The following PIBF1 variants were observed in gnomAD, a reference collection of about 807,000 sequenced individuals.
The protein encoded by PIBF1 is progesterone immunomodulatory binding factor 1.
In PIBF1, 90 loss-of-function variants were observed where a neutral mutation model predicts 112.5. That is an observed-to-expected ratio of 0.80 (90% CI 0.67 to 0.95). The LOEUF (loss-of-function observed/expected upper bound fraction) is 0.95. Ranked by LOEUF, PIBF1 falls within the 40% of genes least tolerant of loss-of-function variation. The pLI is 0.00. For missense variants in PIBF1, 915 were observed against 852.3 expected, an observed-to-expected ratio of 1.07 and a Z score of -0.92; for synonymous variants, 301 against 288.6, an observed-to-expected ratio of 1.04 and a Z score of -0.44.
chr13:72,821,768 A>T, intron 5 of PIBF1, 81 bp from the exon 6 acceptor site: 1 of 1,007,944 alleles, frequency 9.9e-7, no homozygotes, highest in Non-Finnish European at 1.4e-6. Flanking sequence ...ATCACAGCTT[A>T]ACAGAAGACT....
At chr13:72,877,654 A>G (rs1364122772) in intron 10 of PIBF1, among the ~76,000 whole-genome samples, 1 of 151,992 alleles carries the variant, frequency 6.6e-6, no homozygotes, top group Admixed American at 6.6e-5. Context: ...TAATTTATGA[A>G]GTTTGAGAGC....
intron 10 of PIBF1, among the ~76,000 whole-genome samples, chr13:72,880,171 A>G (rs1018404297): frequency 3.9e-5 from 6 of 152,214 alleles, no homozygotes; most frequent in Non-Finnish European, 8.8e-5. Flanking sequence ...TTAGCAGGGT[A>G]GGAAAATTAT....
intron 6 of PIBF1, among the ~76,000 whole-genome samples, chr13:72,826,109 A>G (rs1053453469): frequency 6.6e-6 from 1 of 151,860 alleles, no homozygotes. Flanking sequence ...AATAAAATTT[A>G]AAAATTTTTT....
chr13:72,855,649 A>C (rs1335219583), intron 10 of PIBF1, among the ~76,000 whole-genome samples: 4 of 152,046 alleles, frequency 2.6e-5, no homozygotes, highest in Non-Finnish European at 5.9e-5. Context: ...ACTCTGTCTC[A>C]AAAAAAATTT....
At chr13:72,817,775 C>T (rs554471767) in intron 5 of PIBF1, among the ~76,000 whole-genome samples, 1 of 152,258 alleles carries the variant, frequency 6.6e-6, no homozygotes, top group African/African-American at 2.4e-5. Flanking sequence ...CTTTTCTACT[C>T]TCTATAGCTT....
chr13:73,002,983 C>CCAAA (rs1181488179), intron 17 of PIBF1, among the ~76,000 whole-genome samples: 2 of 57,520 alleles, frequency 3.5e-5, no homozygotes, highest in African/African-American at 1.5e-4. Flanking sequence ...ACTCTGGTCT[C>CCAAA]AAAAAAAAAA....
chr13:72,793,236 A>G (rs2035025621), intron 3 of PIBF1, among the ~76,000 whole-genome samples: 1 of 152,230 alleles, frequency 6.6e-6, no homozygotes, highest in Non-Finnish European at 1.5e-5. Context: ...TGGATCCTAT[A>G]TAAAAATGTG....
At chr13:72,902,006 A>ATG (rs137877705) in intron 11 of PIBF1, among the ~76,000 whole-genome samples, 89 of 147,932 alleles carry the variant, frequency 6.0e-4, no homozygotes, top group Admixed American at 1.4e-3. Flanking sequence ...GTGTATGTAT[A>ATG]TGTGTGTGTG....
At position 72,827,799 on chromosome 13, in the gene PIBF1, A is replaced by G; in HGVS notation, c.982A>G (p.Met328Val). Reference sequence around the variant, plus strand: ...TAAAGAATATCTTAATCGCCAAAACATGGAGCTTAGTGTTCGCTGTGCTCA... The same window carrying G: ...TAAAGAATATCTTAATCGCCAAAACGTGGAGCTTAGTGTTCGCTGTGCTCA... ...KDKEYLNRQN[M>V]ELSVRCAHEE... is the part of the protein sequence containing the mutation. The change falls in exon 8 of 18, where the codon ATG becomes GTG. Residue 328 changes from methionine to valine, a missense_variant. By Grantham distance (21) the Met-to-Val change is conservative (BLOSUM62 1). Transcript: ENST00000326291. The G allele has an allele frequency of 3.7e-6, 6 of 1,604,920 alleles. No individual in the cohort carries two copies. The highest frequency in any genetic ancestry group is 1.1e-5 in the South Asian group (1 of 88,556).
At chr13:72,876,223 T>C (rs1448094379) in intron 10 of PIBF1, among the ~76,000 whole-genome samples, 1 of 150,388 alleles carries the variant, frequency 6.6e-6, no homozygotes, top group East Asian at 2.0e-4. Flanking sequence ...ATTCCCTTTG[T>C]CTTTTTGTCA....
chr13:72,965,684 G>A (rs1242058209), intron 15 of PIBF1, among the ~76,000 whole-genome samples: 1 of 152,138 alleles, frequency 6.6e-6, no homozygotes, highest in South Asian at 2.1e-4. Flanking sequence ...ATTGGTCCTT[G>A]TTTCCCTAGA....
rs1342273948 is a variant in PIBF1 at position 72,927,976 on chromosome 13, TAC to T, written c.1731-3187_1731-3186del. 1.5e-3 allele frequency among the ~76,000 whole-genome samples: 118 copies of T among 81,120 alleles called. 2 individuals carry two copies. The South Asian group carries it at 0.016, about 11-fold the overall frequency. The allele number at this position is 81,120 out of a possible 152,430, so 53.2% of individuals were successfully genotyped here. The stretch of plus-strand genomic sequence containing the variant: ...ATATATATACACATATATATATATA[TAC>T]ATATATATATACACACACATATATA... On this transcript the variant is annotated intron_variant, in intron 13 of 17. Coordinates refer to ENST00000326291, the MANE Select transcript of PIBF1 (RefSeq NM_006346.4).
intron 16 of PIBF1, among the ~76,000 whole-genome samples, chr13:72,981,779 G>C (rs2043163926): frequency 6.6e-6 from 1 of 152,128 alleles, no homozygotes; most frequent in Admixed American, 6.6e-5. Flanking sequence ...GACTGATCCA[G>C]AATTACATTC....
At chr13:72,894,090 C>T (rs1472287875) in intron 11 of PIBF1, 141 bp downstream of exon 11, 2 of 427,814 alleles carry the variant, frequency 4.7e-6, no homozygotes, top group Non-Finnish European at 7.8e-6. Flanking sequence ...CAAGGAAATA[C>T]GTATTTCAGA....
At chr13:72,989,903 G>A (rs6562736) in intron 16 of PIBF1, among the ~76,000 whole-genome samples, 15,708 of 151,944 alleles carry the variant, frequency 0.1, 2,311 homozygotes, top group African/African-American at 0.33. Context: ...GAAAATTTCC[G>A]TCATAAAATG....
intron 10 of PIBF1, among the ~76,000 whole-genome samples, chr13:72,888,165 G>T (rs1594127923): frequency 1.3e-5 from 2 of 152,076 alleles, no homozygotes; most frequent in East Asian, 3.9e-4. Context: ...GTGAGAAATT[G>T]GGGAGAGGTT....
At chr13:72,983,516 C>T (rs573959341) in intron 16 of PIBF1, among the ~76,000 whole-genome samples, 5 of 152,256 alleles carry the variant, frequency 3.3e-5, no homozygotes, top group Admixed American at 2.6e-4. Context: ...TTTCTTCTTA[C>T]AGCAGTGTAT....
At chr13:73,002,983 C>CAAA (rs1161228077) in intron 17 of PIBF1, among the ~76,000 whole-genome samples, 5,900 of 57,230 alleles carry the variant, frequency 0.1, 1,423 homozygotes, top group Middle Eastern at 0.21. Context: ...ACTCTGGTCT[C>CAAA]AAAAAAAAAA....
At chr13:72,926,233 G>T (rs1042617197) in intron 13 of PIBF1, among the ~76,000 whole-genome samples, 1 of 151,958 alleles carries the variant, frequency 6.6e-6, no homozygotes. Flanking sequence ...TTTTTGATAC[G>T]AATTTTTATT....
Sources: allele counts gnomAD v4.1 joint callset (sites outside exome capture counted in the v4.1 genomes callset), GRCh38; gene constraint gnomAD v4.1.1; transcripts MANE v1.5; gene names NCBI Gene and HGNC (gene_info 2026-07-23, HGNC 2026-07-21).